Variants in BRIP1 observed in about 807,000 individuals in gnomAD.
BRIP1 encodes BRCA1 interacting DNA helicase 1.
BRIP1 carries 88 observed loss-of-function variants against 119.7 expected under a neutral mutation model. The observed-to-expected ratio is 0.74, with a 90% CI of 0.62 to 0.88. The LOEUF (loss-of-function observed/expected upper bound fraction) is 0.88, where lower values mean the gene tolerates loss of function less well. Ranked by LOEUF, BRIP1 falls within the 40% of genes least tolerant of loss-of-function variation. The pLI is 0.00. For synonymous variants in BRIP1, 443 were observed against 496.5 expected, an observed-to-expected ratio of 0.89 and a Z score of 1.43; for missense variants, 1,259 against 1,455.4, an observed-to-expected ratio of 0.87 and a Z score of 2.20.
intron 17 of BRIP1, among the ~76,000 whole-genome samples, chr17:61,694,116 A>G (rs548661017): frequency 2.0e-5 from 3 of 152,278 alleles, no homozygotes; most frequent in African/African-American, 4.8e-5. Flanking sequence ...TTATTAAACA[A>G]TTTTAAAGTG....
intron 16 of BRIP1, among the ~76,000 whole-genome samples, chr17:61,737,123 TC>T (rs1346188776): frequency 6.6e-6 from 1 of 151,766 alleles, no homozygotes; most frequent in African/African-American, 2.4e-5. Flanking sequence ...ATACTACAAA[TC>T]AACTAAATAC....
At chr17:61,830,719 G>A (rs1320588435) in intron 6 of BRIP1, among the ~76,000 whole-genome samples, 1 of 152,146 alleles carries the variant, frequency 6.6e-6, no homozygotes, top group Non-Finnish European at 1.5e-5. Flanking sequence ...GGCTTCCCTG[G>A]TGAATTCTAT....
At chr17:61,835,436 G>A (rs1247965604) in intron 6 of BRIP1, among the ~76,000 whole-genome samples, 11 of 151,992 alleles carry the variant, frequency 7.2e-5, no homozygotes, top group African/African-American at 2.2e-4. Context: ...CCAAATGCTG[G>A]CAGGCTGAAG....
In BRIP1 at chr17:61,686,873, T is replaced by C. The variant is rs1414948637; in HGVS notation, c.2576-708A>G. On this transcript the variant is annotated intron_variant, in intron 18 of 19. Coordinates refer to ENST00000259008, the MANE Select transcript of BRIP1 (RefSeq NM_032043.3). This position sits in a 1 kb window ranked among gnomAD's most constrained non-coding sequence, Gnocchi z 5.4. ...AATGCAAAATCAGGTATTTGGACTT[T>C]TACAAAATAAATATTCCCTGCTAAC... is the stretch of plus-strand genomic sequence containing the variant. 6.6e-6 allele frequency among the ~76,000 whole-genome samples: 1 copy of C among 152,176 alleles called. No individual in the cohort carries two copies. Among genetic ancestry groups the C allele is most frequent in the Non-Finnish European group, 1.5e-5 (1 of 68,028 alleles).
At position 61,691,067 on chromosome 17, in the gene BRIP1, CACACCGGGG is replaced by C. The variant is rs1324754828; in HGVS notation, c.2575+2354_2575+2362del. ...CTTGGACACAGGAAGGGGGACATCA[CACACCGGGG>C]CCTGTTGTGGGGTGGGGGGAGAGGG... On this transcript the variant is annotated intron_variant, in intron 18 of 19. Coordinates refer to ENST00000259008, the MANE Select transcript of BRIP1 (RefSeq NM_032043.3). This position sits in a 1 kb window ranked among gnomAD's most constrained non-coding sequence, Gnocchi z 5.0. Among the ~76,000 whole-genome samples, 1 of 144,400 alleles carries C rather than the reference CACACCGGGG, an allele frequency of 6.9e-6. No homozygotes were observed. Among genetic ancestry groups the C allele is most frequent in the Non-Finnish European group, 1.5e-5 (1 of 66,658 alleles). The allele number at this position is 144,400 out of a possible 152,430, so 94.7% of individuals were successfully genotyped here.
rs954596098 is a variant in BRIP1, at chr17:61,853,133, T to C, written c.380-3877A>G. On this transcript the variant is annotated intron_variant, in intron 4 of 19. Transcript: ENST00000259008. The surrounding 1 kb of genome is among the most constrained non-coding windows in gnomAD (Gnocchi z 4.3). Reference sequence around the variant, plus strand: ...GTGGTATATTCATACAAGGAAATAATACACAGAAACAAGAAGTACTACTAT... The same window carrying C: ...GTGGTATATTCATACAAGGAAATAACACACAGAAACAAGAAGTACTACTAT... Among the ~76,000 whole-genome samples the C allele has an allele frequency of 1.3e-5, 2 of 151,978 alleles. No individual in the cohort carries two copies. Among genetic ancestry groups the C allele is most frequent in the Non-Finnish European group, 2.9e-5 (2 of 67,984 alleles).
intron 17 of BRIP1, among the ~76,000 whole-genome samples, chr17:61,702,199 T>G (rs1456609832): frequency 2.0e-5 from 3 of 152,204 alleles, no homozygotes; most frequent in Non-Finnish European, 2.9e-5. Flanking sequence ...TTGCTGGCAC[T>G]CTGTTGAGGA....
In BRIP1 at chr17:61,684,515, AC is replaced by A. The variant is rs1412158763; in HGVS notation, c.2906-376del. On this transcript the variant is annotated intron_variant, in intron 19 of 19. Coordinates refer to ENST00000259008, the MANE Select transcript of BRIP1 (RefSeq NM_032043.3). This position sits in a 1 kb window ranked among gnomAD's most constrained non-coding sequence, Gnocchi z 4.5. ...CAGTGACTGAGAAAAACTTACCTAG[AC>A]TAATTCTTTTATTTAATAAATAAGG... Among the ~76,000 whole-genome samples, 12 of 152,138 alleles carry A rather than the reference AC, an allele frequency of 7.9e-5. No homozygotes were observed. Among genetic ancestry groups the A allele is most frequent in the Non-Finnish European group, 1.8e-4 (12 of 68,016 alleles).
At position 61,690,000 on chromosome 17, in the gene BRIP1, T is replaced by C. The variant is rs1026110139; in HGVS notation, c.2575+3430A>G. Reference sequence around the variant, plus strand: ...CTGCCTGGGTGGCAGAGTAACATCCTGTCTCCAAAAAGAGAAAGATTTCTC... The same window carrying C: ...CTGCCTGGGTGGCAGAGTAACATCCCGTCTCCAAAAAGAGAAAGATTTCTC... On this transcript the variant is annotated intron_variant, in intron 18 of 19. Transcript: ENST00000259008. The surrounding 1 kb of genome is among the most constrained non-coding windows in gnomAD (Gnocchi z 4.5). Among the ~76,000 whole-genome samples the C allele has an allele frequency of 3.3e-5, 5 of 152,200 alleles. No individual in the cohort carries two copies. The highest frequency in any genetic ancestry group is 1.2e-4 in the African/African-American group (5 of 41,440).
At chr17:61,711,763 G>A (rs541933469) in intron 17 of BRIP1, among the ~76,000 whole-genome samples, 16 of 152,198 alleles carry the variant, frequency 1.1e-4, no homozygotes, top group African/African-American at 3.9e-4. Context: ...AGCTACTCAG[G>A]AGGTTGAGGT....
chr17:61,858,142 T>C (rs1413744189), intron 3 of BRIP1, among the ~76,000 whole-genome samples: 1 of 152,186 alleles, frequency 6.6e-6, no homozygotes, highest in Non-Finnish European at 1.5e-5. Flanking sequence ...ATTGTGTGCC[T>C]ACATTGTATA....
chr17:61,849,348 T>C lies in BRIP1; in HGVS notation c.380-92A>G, dbSNP rs1603362811. The C allele has an allele frequency of 3.8e-6, 4 of 1,047,088 alleles. No individual in the cohort carries two copies. The East Asian group carries it at 9.7e-5, about 25-fold the overall frequency. 64.9% of individuals were successfully genotyped at this position (1,047,088 alleles called of 1,614,324 possible). The stretch of plus-strand genomic sequence containing the variant: ...ACTGGAACCAGGATGTAAGGCTTAT[T>C]TCTAGAAATTTCATACCATAATCTA... On this transcript the variant is annotated intron_variant, in intron 4 of 19. Coordinates refer to ENST00000259008, the MANE Select transcript of BRIP1 (RefSeq NM_032043.3).
chr17:61,702,163 T>C (rs192412217), intron 17 of BRIP1, among the ~76,000 whole-genome samples: 42 of 152,356 alleles, frequency 2.8e-4, no homozygotes, highest in African/African-American at 8.9e-4. Flanking sequence ...GTCTTTGTTC[T>C]GCCATTTTTG....
At position 61,743,280 on chromosome 17, in the gene BRIP1, A is replaced by G; in HGVS notation, c.2258-146T>C. On this transcript the variant is annotated intron_variant, in intron 15 of 19. Coordinates refer to ENST00000259008, the MANE Select transcript of BRIP1 (RefSeq NM_032043.3). The surrounding 1 kb of genome is among the most constrained non-coding windows in gnomAD (Gnocchi z 4.3). ...AACACTATTATGAGATAAAGTTTTA[A>G]AAGTTCAATGTCTTTAAGTAAATAA... The G allele has an allele frequency of 8.9e-7, 1 of 1,118,762 alleles. No individual in the cohort carries two copies. The highest frequency in any genetic ancestry group is 1.3e-6 in the Non-Finnish European group (1 of 778,140). 69.3% of individuals were successfully genotyped at this position (1,118,762 alleles called of 1,614,324 possible).
rs2076826872 is a variant in BRIP1, at chr17:61,730,229, TTA to T, written c.2379+12782_2379+12783del. Among the ~76,000 whole-genome samples, 1 of 152,118 alleles carries T rather than the reference TTA, an allele frequency of 6.6e-6. No individual in the cohort carries two copies. The highest frequency in any genetic ancestry group is 2.1e-4 in the South Asian group (1 of 4,830). On this transcript the variant is annotated intron_variant, in intron 16 of 19. Transcript: ENST00000259008. This position sits in a 1 kb window ranked among gnomAD's most constrained non-coding sequence, Gnocchi z 4.3. ...ATGGAACAGCAATATCTACTACAGT[TTA>T]TGTTATTTGAGACCTTAAAGCTTTA...
In BRIP1 at chr17:61,862,450, G is replaced by A. The variant is rs949776980; in HGVS notation, c.-31+834C>T. ...ACAGGGTTTTTATGAAAATTAGCCA[G>A]GGCAGAATGTACCTAACCCAGGATC... On this transcript the variant is annotated intron_variant, in intron 1 of 19. Transcript: ENST00000259008. This position sits in a 1 kb window ranked among gnomAD's most constrained non-coding sequence, Gnocchi z 5.3. Among the ~76,000 whole-genome samples, 2 of 152,248 alleles carry A rather than the reference G, an allele frequency of 1.3e-5. No homozygotes were observed. The highest frequency in any genetic ancestry group is 2.1e-4 in the South Asian group (1 of 4,824).
At chr17:61,792,356 C>T (rs1312224759) in intron 10 of BRIP1, among the ~76,000 whole-genome samples, 1 of 152,124 alleles carries the variant, frequency 6.6e-6, no homozygotes, top group East Asian at 1.9e-4. Context: ...GAGTAGAAAG[C>T]TTGTCACTAA....
intron 17 of BRIP1, among the ~76,000 whole-genome samples, chr17:61,694,787 A>C (rs1003127454): frequency 1.3e-5 from 2 of 151,830 alleles, no homozygotes; most frequent in African/African-American, 4.8e-5. Flanking sequence ...GATGTTGAAC[A>C]TCATTTTTTA....
In BRIP1 at chr17:61,808,760, G is replaced by T; in HGVS notation, c.628-3C>A. ...CACCTAGAACAGTGGCCAGGGGGCTGTAAGAAAGGAAAGAAACGATAACTA... is the reference window on the plus strand; with the variant it reads ...CACCTAGAACAGTGGCCAGGGGGCTTTAAGAAAGGAAAGAAACGATAACTA... On this transcript the variant is annotated splice_region_variant and splice_polypyrimidine_tract_variant and intron_variant, in intron 6 of 19. Transcript: ENST00000259008. The surrounding 1 kb of genome is among the most constrained non-coding windows in gnomAD (Gnocchi z 4.1). The T allele has an allele frequency of 6.2e-7, 1 of 1,611,484 alleles. No individual in the cohort carries two copies. Among genetic ancestry groups the T allele is most frequent in the Non-Finnish European group, 8.5e-7 (1 of 1,179,624 alleles).
Sources: gnomAD v4.1 joint callset for allele counts (sites outside exome capture counted in the v4.1 genomes callset) on GRCh38, gnomAD v4.1.1 for gene constraint, Gnocchi (gnomAD v3.1) non-coding constraint, MANE v1.5 for transcripts, NCBI Gene and HGNC (gene_info 2026-07-23, HGNC 2026-07-21) for gene names.